The following FREM1 variants were observed in gnomAD, a reference collection of about 807,000 sequenced individuals.
FREM1 encodes the protein FRAS1 related extracellular matrix 1.
A neutral mutation model predicts 210.1 loss-of-function variants in FREM1; 220 were observed. The observed-to-expected ratio is 1.05, with a 90% CI of 0.94 to 1.17. The LOEUF (loss-of-function observed/expected upper bound fraction) is 1.17, where lower values mean the gene tolerates loss of function less well. FREM1 is among the 50% of genes most tolerant of loss of function. The pLI, the probability that FREM1 is intolerant of heterozygous loss-of-function variation, is 0.00. For synonymous variants in FREM1, 1,189 were observed against 980.2 expected, an observed-to-expected ratio of 1.21 and a Z score of -3.98; for missense variants, 3,454 against 2,675.5, an observed-to-expected ratio of 1.29 and a Z score of -6.42.
chr9:14,854,184 A>G (rs528243119), intron 5 of FREM1, among the ~76,000 whole-genome samples: 3 of 152,298 alleles, frequency 2.0e-5, no homozygotes, highest in Non-Finnish European at 2.9e-5. Context: ...TAAAACATCA[A>G]CTGTGATAAG....
At chr9:14,816,301 T>C (rs1820298421) in intron 15 of FREM1, among the ~76,000 whole-genome samples, 1 of 152,202 alleles carries the variant, frequency 6.6e-6, no homozygotes, top group Non-Finnish European at 1.5e-5. Flanking sequence ...TTGGTTTCTA[T>C]TGGCAGGCCT....
intron 3 of FREM1, among the ~76,000 whole-genome samples, chr9:14,860,542 TACACA>T (rs1829626379): frequency 8.3e-6 from 1 of 120,230 alleles, no homozygotes; most frequent in African/African-American, 3.6e-5. Context: ...TGTATATATA[TACACA>T]TATATATACA....
At chr9:14,861,322 C>CATAT (rs113468786) in intron 3 of FREM1, among the ~76,000 whole-genome samples, 1,441 of 106,498 alleles carry the variant, frequency 0.014, 86 homozygotes, top group African/African-American at 0.072. Flanking sequence ...CATATATACA[C>CATAT]ATATATACAT....
chr9:14,897,748 G>A (rs749204794), intron 1 of FREM1, among the ~76,000 whole-genome samples: 1 of 151,988 alleles, frequency 6.6e-6, no homozygotes, highest in Non-Finnish European at 1.5e-5. Flanking sequence ...TCGCCACCAT[G>A]CCTGACTAAT....
intron 20 of FREM1, among the ~76,000 whole-genome samples, chr9:14,800,942 A>C (rs1183052450): frequency 6.6e-6 from 1 of 152,086 alleles, no homozygotes; most frequent in Non-Finnish European, 1.5e-5. Context: ...TATGATATAT[A>C]ATGGGGTGTT....
At chr9:14,867,378 T>C (rs978806281) in intron 2 of FREM1, among the ~76,000 whole-genome samples, 2 of 152,176 alleles carry the variant, frequency 1.3e-5, no homozygotes, top group African/African-American at 4.8e-5. Flanking sequence ...TACCAAACAC[T>C]TGGGAATACA....
intron 1 of FREM1, among the ~76,000 whole-genome samples, chr9:14,906,906 A>G (rs1405135513): frequency 6.6e-6 from 1 of 152,222 alleles, no homozygotes; most frequent in Non-Finnish European, 1.5e-5. Context: ...GGAGCCAGAT[A>G]AGAAAGTTTC....
chr9:14,807,570 A>C (rs1818612609), intron 17 of FREM1, among the ~76,000 whole-genome samples: 1 of 152,156 alleles, frequency 6.6e-6, no homozygotes, highest in Admixed American at 6.5e-5. Context: ...TATGGATAAA[A>C]TAAATTACTC....
intron 1 of FREM1, among the ~76,000 whole-genome samples, chr9:14,875,921 G>A (rs1181624583): frequency 2.6e-5 from 4 of 152,226 alleles, no homozygotes; most frequent in Non-Finnish European, 4.4e-5. Context: ...CAGGTCTGCT[G>A]GAGTTTGCTA....
At chr9:14,857,936 C>T (rs951296449) in intron 4 of FREM1, among the ~76,000 whole-genome samples, 187 bp from the exon 5 acceptor site, 9 of 152,124 alleles carry the variant, frequency 5.9e-5, no homozygotes, top group African/African-American at 7.2e-5. Flanking sequence ...TACTGAAAAA[C>T]GGTTGACCAG....
At chr9:14,795,842 A>C (rs1429848534) in intron 21 of FREM1, among the ~76,000 whole-genome samples, 1 of 152,188 alleles carries the variant, frequency 6.6e-6, no homozygotes, top group East Asian at 1.9e-4. Flanking sequence ...TAAGCACTTA[A>C]TAAATGCCAG....
chr9:14,805,891 T>C (rs550135293), intron 18 of FREM1, among the ~76,000 whole-genome samples: 7 of 152,328 alleles, frequency 4.6e-5, no homozygotes, highest in Admixed American at 4.6e-4. Flanking sequence ...ACGTTTTGGC[T>C]TTAAAATTAA....
chr9:14,877,149 C>T (rs1486002979), intron 1 of FREM1, among the ~76,000 whole-genome samples: 2 of 152,152 alleles, frequency 1.3e-5, no homozygotes, highest in East Asian at 3.9e-4. Flanking sequence ...TGTATCTACA[C>T]TCATTCCTTA....
intron 1 of FREM1, among the ~76,000 whole-genome samples, chr9:14,877,207 T>G (rs1003354680): frequency 7.9e-5 from 12 of 152,038 alleles, no homozygotes; most frequent in Non-Finnish European, 1.6e-4. Context: ...CTAATGGACC[T>G]CAAACTTACA....
chr9:14,740,686 A>G (rs981321964), intron 35 of FREM1, among the ~76,000 whole-genome samples: 2 of 152,212 alleles, frequency 1.3e-5, no homozygotes, highest in African/African-American at 4.8e-5. Flanking sequence ...TTAAATTTGG[A>G]GCTTAGTGGG....
rs754297464 is a variant in FREM1, at chr9:14,816,834, G to T, written c.2584C>A (p.Leu862Ile). ...HDGTEVLQDD[L>I]LLEVTDGTNS... ...GTGCCATCGGTGACCTCCAAGAGTA[G>T]GTCATCCTGAAGAACTTCAGTTCCA... The change falls in exon 15 of 37, where the codon CTA becomes ATA. Residue 862 changes from leucine (L) to isoleucine (I), a missense_variant. Leu to Ile is a conservative substitution (Grantham distance 5). Coordinates refer to ENST00000380880, the MANE Select transcript of FREM1 (RefSeq NM_001379081.2). 1.4e-6 allele frequency: 2 copies of T among 1,442,382 alleles called. No homozygotes were observed. The highest frequency in any genetic ancestry group is 3.2e-5 in the South Asian group (2 of 63,368). The allele number at this position is 1,442,382 out of a possible 1,614,324, so 89.3% of individuals were successfully genotyped here.
intron 19 of FREM1, among the ~76,000 whole-genome samples, chr9:14,803,055 T>TC (rs1367365534): frequency 9.3e-5 from 12 of 128,386 alleles, no homozygotes; most frequent in African/African-American, 4.2e-4. Context: ...TTTCTCTTTC[T>TC]TTTTCTTTTC....
intron 36 of FREM1, 43 bp downstream of exon 36, chr9:14,740,106 C>T (rs1480017162): frequency 7.5e-7 from 1 of 1,328,970 alleles, no homozygotes; most frequent in African/African-American, 1.5e-5. Context: ...TGTTTCATGT[C>T]CTTGCCTCCC....
chr9:14,805,196 T>G (rs1351283810), intron 18 of FREM1, 44 bp from the exon 19 acceptor site: 2 of 1,218,472 alleles, frequency 1.6e-6, no homozygotes, highest in Non-Finnish European at 2.2e-6. Context: ...AAAAAAATTT[T>G]TCCAAGTTAT....
Sources: gnomAD v4.1 joint callset for allele counts (sites outside exome capture counted in the v4.1 genomes callset) on GRCh38, gnomAD v4.1.1 for gene constraint, MANE v1.5 for transcripts, NCBI Gene and HGNC (gene_info 2026-07-23, HGNC 2026-07-21) for gene names.